UTRN: variants seen among roughly 807,000 people sequenced by gnomAD.
UTRN encodes dystrophin-related protein 1.
In UTRN, 283 loss-of-function variants were observed where a neutral mutation model predicts 463.9. That is an observed-to-expected ratio of 0.61 (90% CI 0.55 to 0.67). The LOEUF (loss-of-function observed/expected upper bound fraction) is 0.67. Among genes scored for constraint, UTRN ranks in the 30% least tolerant of loss-of-function variants. The probability of loss-of-function intolerance (pLI) is 0.00; values close to 1 mark genes in which losing one functional copy is unlikely to be tolerated. For missense variants in UTRN, 3,922 were observed against 4,084.3 expected, an observed-to-expected ratio of 0.96 and a Z score of 1.08; for synonymous variants, 1,442 against 1,431.5, an observed-to-expected ratio of 1.01 and a Z score of -0.17.
chr6:144,608,615 C>A (rs1212976981), intron 51 of UTRN, among the ~76,000 whole-genome samples: 1 of 152,134 alleles, frequency 6.6e-6, no homozygotes, highest in Non-Finnish European at 1.5e-5. Flanking sequence ...TTCCCTAGAC[C>A]CATGGTTTCT....
chr6:144,798,885 G>T (rs1164644964), intron 64 of UTRN, among the ~76,000 whole-genome samples: 3 of 152,206 alleles, frequency 2.0e-5, no homozygotes, highest in African/African-American at 7.2e-5. Context: ...GGGACTACAG[G>T]TGCATGCCAC....
chr6:144,850,894 A>G (rs909495301), intron 74 of UTRN, 95 bp from the exon 75 acceptor site: 4 of 1,550,092 alleles, frequency 2.6e-6, no homozygotes, highest in Non-Finnish European at 2.7e-6. Flanking sequence ...AGACTCTTGA[A>G]AGAAGCACTT....
chr6:144,803,571 T>C (rs572198681), intron 65 of UTRN, among the ~76,000 whole-genome samples: 323 of 152,134 alleles, frequency 2.1e-3, no homozygotes, highest in Non-Finnish European at 4.3e-3. Context: ...ATATCTCTGG[T>C]TTTAAGATTC....
chr6:144,314,735 C>A (rs1026877730), intron 2 of UTRN, among the ~76,000 whole-genome samples: 1 of 152,016 alleles, frequency 6.6e-6, no homozygotes, highest in East Asian at 1.9e-4. Flanking sequence ...TTATAAATAG[C>A]CTCAGGTCAG....
chr6:144,840,688 G>A (rs1277560452), intron 72 of UTRN, 52 bp from the exon 73 acceptor site: 22 of 1,600,626 alleles, frequency 1.4e-5, no homozygotes, highest in Non-Finnish European at 1.9e-5. Context: ...TTTAGTGGAA[G>A]GCTAGACATT....
At chr6:144,423,510 G>C (rs753040974) in intron 4 of UTRN, 39 bp from the exon 5 acceptor site, 13 of 1,597,050 alleles carry the variant, frequency 8.1e-6, no homozygotes, top group Non-Finnish European at 1.1e-5. Flanking sequence ...CATATGGAGG[G>C]ACAATCAGTT....
chr6:144,459,365 C>T lies in UTRN; in HGVS notation c.2707+11C>T, dbSNP rs1298682255. On this transcript the variant is annotated intron_variant, in intron 21 of 74. Coordinates refer to ENST00000367545, the MANE Select transcript of UTRN (RefSeq NM_007124.3). ...AACATCTAGAGAATGGTAAACCCAA[C>T]AATTTTAAAATCTCCTGTCTCAGTT... The T allele has an allele frequency of 1.9e-6, 3 of 1,569,652 alleles. No individual in the cohort carries two copies. Among genetic ancestry groups the T allele is most frequent in the Non-Finnish European group, 1.7e-6 (2 of 1,157,864 alleles).
intron 62 of UTRN, 92 bp downstream of exon 62, chr6:144,789,371 T>C: frequency 9.2e-7 from 1 of 1,088,970 alleles, no homozygotes; most frequent in Non-Finnish European, 1.3e-6. Context: ...AATTTGTTAG[T>C]AGTAATAGTT....
intron 55 of UTRN, 103 bp downstream of exon 55, chr6:144,748,617 C>T (rs1791019542): frequency 3.5e-6 from 5 of 1,432,282 alleles, no homozygotes; most frequent in Non-Finnish European, 4.6e-6. Context: ...GGGATTGTTA[C>T]AAAGCCAACG....
At chr6:144,593,275 A>C (rs1803302913) in intron 51 of UTRN, among the ~76,000 whole-genome samples, 1 of 152,184 alleles carries the variant, frequency 6.6e-6, no homozygotes, top group Non-Finnish European at 1.5e-5. Context: ...CACTCCACAG[A>C]GTGGGAATGG....
intron 4 of UTRN, among the ~76,000 whole-genome samples, chr6:144,422,573 G>A (rs1301892900): frequency 6.6e-6 from 1 of 151,618 alleles, no homozygotes; most frequent in Non-Finnish European, 1.5e-5. Context: ...AGCCGAGATT[G>A]CGCCACTGCA....
chr6:144,454,285 T>G (rs965963045), intron 19 of UTRN, among the ~76,000 whole-genome samples: 11 of 152,186 alleles, frequency 7.2e-5, no homozygotes, highest in African/African-American at 2.7e-4. Flanking sequence ...TTTGATAACT[T>G]TTAATGCATT....
chr6:144,354,127 C>G (rs576275626), intron 2 of UTRN, among the ~76,000 whole-genome samples: 89 of 152,326 alleles, frequency 5.8e-4, no homozygotes, highest in African/African-American at 2.0e-3. Flanking sequence ...CATTTTGCAA[C>G]TGTTTTCACA....
chr6:144,456,621 C>T (rs1229428352), intron 19 of UTRN, among the ~76,000 whole-genome samples: 21 of 149,968 alleles, frequency 1.4e-4, no homozygotes, highest in Admixed American at 4.0e-4. Flanking sequence ...CCACTACACT[C>T]CAGCCTGGTG....
intron 34 of UTRN, among the ~76,000 whole-genome samples, chr6:144,505,378 A>T (rs535517158): frequency 3.3e-5 from 5 of 152,010 alleles, no homozygotes; most frequent in African/African-American, 1.2e-4. Context: ...CTGCTTTCTC[A>T]TGTGGGCAGT....
intron 52 of UTRN, among the ~76,000 whole-genome samples, chr6:144,699,478 T>TG (rs1784360992): frequency 1.1e-5 from 1 of 87,716 alleles, no homozygotes; most frequent in Non-Finnish European, 2.2e-5. Context: ...CAGTGGTTTT[T>TG]TTTTTTTTTT....
rs943400760 is a variant in UTRN, at chr6:144,730,055, G to A, written c.7810-302G>A. On this transcript the variant is annotated intron_variant, in intron 53 of 74. Coordinates refer to ENST00000367545, the MANE Select transcript of UTRN (RefSeq NM_007124.3). ...ATTATATTTTATCAATCTGACATCA[G>A]TGAAAATCCTAAAAGTACATTTTGT... is the stretch of plus-strand genomic sequence containing the variant. Among the ~76,000 whole-genome samples, 3 of 152,226 alleles carry A rather than the reference G, an allele frequency of 2.0e-5. No individual in the cohort carries two copies. In the South Asian group the frequency reaches 6.2e-4, roughly 31 times the overall value.
At chr6:144,561,316 A>T (rs1256613762) in intron 50 of UTRN, among the ~76,000 whole-genome samples, 1 of 147,194 alleles carries the variant, frequency 6.8e-6, no homozygotes, top group Non-Finnish European at 1.5e-5. Flanking sequence ...ATATACATAC[A>T]CATATATGTG....
intron 2 of UTRN, among the ~76,000 whole-genome samples, chr6:144,390,708 C>G (rs1781830256): frequency 6.6e-6 from 1 of 152,242 alleles, no homozygotes; most frequent in Non-Finnish European, 1.5e-5. Flanking sequence ...AATTCAAGAT[C>G]TAGCTCAAAT....
Sources: gnomAD v4.1 joint callset for allele counts (sites outside exome capture counted in the v4.1 genomes callset) on GRCh38, gnomAD v4.1.1 for gene constraint, MANE v1.5 for transcripts, NCBI Gene and HGNC (gene_info 2026-07-23, HGNC 2026-07-21) for gene names.